Variants in CFAP43 observed in about 807,000 individuals in gnomAD.
CFAP43 encodes the protein cilia and flagella associated protein 43.
In CFAP43, 155 loss-of-function variants were observed where a neutral mutation model predicts 218.9. The observed-to-expected ratio is 0.71, with a 90% CI of 0.62 to 0.81. The LOEUF is 0.81. CFAP43 is among the 30% of genes least tolerant of loss of function. The pLI is 0.00. For synonymous variants in CFAP43, 645 were observed against 681.3 expected, an observed-to-expected ratio of 0.95 and a Z score of 0.83; for missense variants, 1,778 against 1,954.3, an observed-to-expected ratio of 0.91 and a Z score of 1.70.
At chr10:104,198,975 A>G (rs1375731288) in intron 8 of CFAP43, among the ~76,000 whole-genome samples, 1 of 152,192 alleles carries the variant, frequency 6.6e-6, no homozygotes, top group Non-Finnish European at 1.5e-5. Flanking sequence ...TTTTTAATTT[A>G]CAAAACATAA....
At chr10:104,195,764 C>T (rs2090365044) in intron 10 of CFAP43, among the ~76,000 whole-genome samples, 1 of 152,156 alleles carries the variant, frequency 6.6e-6, no homozygotes, top group Admixed American at 6.5e-5. Context: ...GCACTGTGAA[C>T]ATGGCAGAAA....
Position 104,142,292 on chromosome 10 carries a change from A to T in CFAP43, c.4260T>A (p.His1420Gln), listed in dbSNP as rs1405806575. ...KVQQEIERVFHELILLQEEKV... is the reference protein window; with the variant it reads ...KVQQEIERVFQELILLQEEKV... The stretch of plus-strand genomic sequence containing the variant: ...AAGCTTCAAATTACAGGATGAGTTC[A>T]TGGAACACTCTCTCAATCTCCTGTT... The change falls in exon 33 of 38, where the codon CAT becomes CAA. Residue 1420 changes from histidine to glutamine, a missense_variant. By Grantham distance (24) the His-to-Gln change is conservative. Coordinates refer to ENST00000357060, the MANE Select transcript of CFAP43 (RefSeq NM_025145.7). 6.2e-7 allele frequency: 1 copy of T among 1,613,002 alleles called. No individual in the cohort carries two copies. The highest frequency in any genetic ancestry group is 2.2e-5 in the East Asian group (1 of 44,800).
intron 27 of CFAP43, among the ~76,000 whole-genome samples, chr10:104,158,303 G>A (rs2088683364): frequency 6.6e-6 from 1 of 152,166 alleles, no homozygotes; most frequent in African/African-American, 2.4e-5. Flanking sequence ...AGGAGAAAGA[G>A]AACTTCTATA....
At chr10:104,179,704 A>G (rs1020136016) in intron 18 of CFAP43, 136 bp downstream of exon 18, 1 of 662,224 alleles carries the variant, frequency 1.5e-6, no homozygotes, top group Non-Finnish European at 2.7e-6. Context: ...GAAAAGTTAC[A>G]CCTGTATGTT....
chr10:104,133,035 G>A (rs2087269599), intron 35 of CFAP43, among the ~76,000 whole-genome samples: 1 of 152,222 alleles, frequency 6.6e-6, no homozygotes, highest in South Asian at 2.1e-4. Context: ...TTGAAAAGTA[G>A]ATTTGGGATG....
At chr10:104,217,589 C>T (rs1001179732) in intron 3 of CFAP43, among the ~76,000 whole-genome samples, 6 of 152,148 alleles carry the variant, frequency 3.9e-5, no homozygotes, top group African/African-American at 1.2e-4. Flanking sequence ...CTGGACCTTC[C>T]GTTGCTTGAC....
chr10:104,165,447 T>G (rs181695499), intron 23 of CFAP43, among the ~76,000 whole-genome samples: 1 of 152,294 alleles, frequency 6.6e-6, no homozygotes, highest in East Asian at 1.9e-4. Context: ...TAAATAGCTC[T>G]GAGTGTAAAT....
chr10:104,196,782 T>C, intron 10 of CFAP43, 71 bp downstream of exon 10: 1 of 1,285,656 alleles, frequency 7.8e-7, no homozygotes, highest in South Asian at 1.3e-5. Flanking sequence ...ACTATTGACA[T>C]GTGAATATGA....
At chr10:104,176,583 A>T (rs2089637999) in intron 19 of CFAP43, among the ~76,000 whole-genome samples, 1 of 152,250 alleles carries the variant, frequency 6.6e-6, no homozygotes, top group Admixed American at 6.5e-5. Context: ...GTTGAGCCAC[A>T]TAAAACAGCA....
At chr10:104,201,454 T>C (rs2090530376) in intron 8 of CFAP43, among the ~76,000 whole-genome samples, 1 of 152,152 alleles carries the variant, frequency 6.6e-6, no homozygotes, top group Admixed American at 6.5e-5. Flanking sequence ...CTTTCTCTAG[T>C]TTGGAAATTT....
rs965039040 is a variant in CFAP43 at position 104,201,291 on chromosome 10, T to C, written c.1095+2381A>G. Reference sequence around the variant, plus strand: ...TTAATATATTTCCACTGGTTTTCTTTTGGTTAATGTTTACATATCTTTTTC... The same window carrying C: ...TTAATATATTTCCACTGGTTTTCTTCTGGTTAATGTTTACATATCTTTTTC... On this transcript the variant is annotated intron_variant, in intron 8 of 37. Coordinates refer to ENST00000357060, the MANE Select transcript of CFAP43 (RefSeq NM_025145.7). 2.6e-5 allele frequency among the ~76,000 whole-genome samples: 4 copies of C among 152,220 alleles called. No homozygotes were observed. The East Asian group carries it at 7.7e-4, about 29-fold the overall frequency.
intron 3 of CFAP43, among the ~76,000 whole-genome samples, chr10:104,221,408 T>A (rs912977919): frequency 6.6e-6 from 1 of 152,116 alleles, no homozygotes; most frequent in Non-Finnish European, 1.5e-5. Flanking sequence ...TGGGGAGTGA[T>A]CAGGTCAAGG....
chr10:104,207,671 G>A lies in CFAP43; in HGVS notation c.889C>T (p.Pro297Ser). The change falls in exon 6 of 38, where the codon CCA (proline) becomes TCA (serine). Residue 297 changes from proline (P) to serine (S), a missense_variant. By Grantham distance (74) the Pro-to-Ser change is moderately conservative (BLOSUM62 -1). Coordinates refer to ENST00000357060, the MANE Select transcript of CFAP43 (RefSeq NM_025145.7). ...TVLNKIEEES[P>S]LDRRNFISPV... Reference sequence around the variant, plus strand: ...AAGTAGGACAGTTTCTTACCCAATGGCGATTCCTCTTCTATCTTATTAAGT... The same window carrying A: ...AAGTAGGACAGTTTCTTACCCAATGACGATTCCTCTTCTATCTTATTAAGT... 1 of 1,612,580 alleles carries A rather than the reference G, an allele frequency of 6.2e-7. No individual in the cohort carries two copies. Among genetic ancestry groups the A allele is most frequent in the South Asian group, 1.1e-5 (1 of 90,738 alleles).
At chr10:104,194,817 T>C (rs1216210395) in intron 10 of CFAP43, among the ~76,000 whole-genome samples, 1 of 152,106 alleles carries the variant, frequency 6.6e-6, no homozygotes, top group Admixed American at 6.5e-5. Flanking sequence ...TTTTGCAAAA[T>C]AGAAAACACA....
intron 24 of CFAP43, 38 bp from the exon 25 acceptor site, chr10:104,162,441 C>A (rs774371855): frequency 5.8e-6 from 9 of 1,562,700 alleles, no homozygotes; most frequent in Non-Finnish European, 7.9e-6. Context: ...ATTATTCTTA[C>A]AAAATTCAAA....
In CFAP43 at chr10:104,203,696, T is replaced by C. The variant is rs778283534; in HGVS notation, c.1071A>G (p.Thr357=). Reference sequence around the variant, plus strand: ...CCTTGTCTGTTTGAATCAGCAACACTGTATAATTGGGAGAAAATGTCATAT... The same window carrying C: ...CCTTGTCTGTTTGAATCAGCAACACCGTATAATTGGGAGAAAATGTCATAT... ...VEHMTFSPNY[T]VLLIQTDKGS... is the part of the protein sequence containing the mutation. The change falls in exon 8 of 38, where the codon ACA becomes ACG. Residue 357 remains threonine (T), a synonymous_variant. Coordinates refer to ENST00000357060, the MANE Select transcript of CFAP43 (RefSeq NM_025145.7). 6.8e-6 allele frequency: 11 copies of C among 1,609,108 alleles called. No individual in the cohort carries two copies. The highest frequency in any genetic ancestry group is 1.1e-5 in the South Asian group (1 of 89,448).
Position 104,172,397 on chromosome 10 carries a change from T to C in CFAP43, c.2586+13A>G, listed in dbSNP as rs768656362. The stretch of plus-strand genomic sequence containing the variant: ...TCATAACTTTATGGTGCTTAAATTA[T>C]ACTTTTTCATACCTTTGCCACTTCT... On this transcript the variant is annotated intron_variant, in intron 20 of 37. Transcript: ENST00000357060. 6 of 1,602,962 alleles carry C rather than the reference T, an allele frequency of 3.7e-6. No homozygotes were observed. The highest frequency in any genetic ancestry group is 1.7e-5 in the Admixed American group (1 of 57,554).
chr10:104,173,185 T>C (rs2089479000), intron 19 of CFAP43, among the ~76,000 whole-genome samples: 1 of 152,202 alleles, frequency 6.6e-6, no homozygotes, highest in South Asian at 2.1e-4. Context: ...AGTTTCAAAA[T>C]GGTAGACTGA....
chr10:104,135,499 A>T (rs1404485544), intron 34 of CFAP43, among the ~76,000 whole-genome samples: 3 of 152,124 alleles, frequency 2.0e-5, no homozygotes, highest in South Asian at 4.1e-4. Flanking sequence ...ATCCACAAAA[A>T]CCCTACTAGA....
Sources: gnomAD v4.1 joint callset for allele counts (sites outside exome capture counted in the v4.1 genomes callset) on GRCh38, gnomAD v4.1.1 for gene constraint, MANE v1.5 for transcripts, NCBI Gene and HGNC (gene_info 2026-07-23, HGNC 2026-07-21) for gene names.